Variants in BCAR1 observed in about 807,000 individuals in gnomAD.
BCAR1 encodes breast cancer anti-estrogen resistance protein 1.
A neutral mutation model predicts 67.6 loss-of-function variants in BCAR1; 30 were observed. The ratio of observed to expected loss-of-function variants is 0.44; its 90% CI spans 0.33 to 0.60. The LOEUF (loss-of-function observed/expected upper bound fraction) is 0.60. Ranked by LOEUF, BCAR1 falls within the 20% of genes least tolerant of loss-of-function variation. The pLI, the probability that BCAR1 is intolerant of heterozygous loss-of-function variation, is 0.02. For missense variants in BCAR1, 1,313 were observed against 1,222.3 expected (o/e 1.07, Z -1.11); for synonymous variants, 626 against 556.7 (o/e 1.12, Z -1.75).
At chr16:75,239,291 G>T (rs1567601570) in intron 2 of BCAR1, among the ~76,000 whole-genome samples, 1 of 152,124 alleles carries the variant, frequency 6.6e-6, no homozygotes, top group Non-Finnish European at 1.5e-5. Flanking sequence ...CAGAGGCACA[G>T]TCACTGACAT....
intron 1 of BCAR1, among the ~76,000 whole-genome samples, chr16:75,245,277 T>A (rs1028636131): frequency 1.3e-5 from 2 of 152,144 alleles, no homozygotes; most frequent in African/African-American, 4.8e-5. Context: ...CCCCTCCGGG[T>A]CCCCCAGCCC....
rs761298236 is a variant in BCAR1 at position 75,237,207 on chromosome 16, C to T, written c.771G>A (p.Leu257=). ...DIYDVPPVRG[L]LPSQYGQEVY... ...CCTCCTGGCCATACTGGCTGGGAAG[C>T]AGCCCCCGAACCGGGGGCACATCAT... Residue 257 remains leucine, a synonymous_variant, in exon 3 of 7, where the codon CTG becomes CTA. Transcript: ENST00000162330. 2.5e-6 allele frequency: 4 copies of T among 1,570,132 alleles called. No individual in the cohort carries two copies. The highest frequency in any genetic ancestry group is 2.6e-6 in the Non-Finnish European group (3 of 1,160,598).
At chr16:75,251,736 G>C (rs1012220506), upstream of BCAR1, 5 of 965,002 alleles carry the variant, frequency 5.2e-6, no homozygotes, top group African/African-American at 8.8e-5. Flanking sequence ...GCCGCCTGTC[G>C]GGGGCGCGGG....
chr16:75,236,667 A>C, intron 4 of BCAR1: 2 of 937,354 alleles, frequency 2.1e-6, no homozygotes, highest in East Asian at 6.0e-5. Context: ...CTCATGGAGA[A>C]GGCCTCGCAA....
In BCAR1 at chr16:75,229,396, C is replaced by T. The variant is rs573256135; in HGVS notation, c.*115G>A. On this transcript the variant is annotated 3_prime_UTR_variant, in exon 7 of 7. Transcript: ENST00000162330. ...TCCTGGGCATCCAGGGCACCAGGAC[C>T]GACGCAGAGCTGGGGTCCTGTCCCT... is the stretch of plus-strand genomic sequence containing the variant. 70 of 1,383,238 alleles carry T rather than the reference C, an allele frequency of 5.1e-5. No individual in the cohort carries two copies. The highest frequency in any genetic ancestry group is 2.0e-4 in the Admixed American group (7 of 34,860). The allele number at this position is 1,383,238 out of a possible 1,614,324, so 85.7% of individuals were successfully genotyped here.
chr16:75,254,532 A>G (rs1458761193), upstream of BCAR1, among the ~76,000 whole-genome samples: 1 of 152,206 alleles, frequency 6.6e-6, no homozygotes, highest in Non-Finnish European at 1.5e-5. Flanking sequence ...GGGGGTGGTT[A>G]AGTCACGCCT....
intron 6 of BCAR1, among the ~76,000 whole-genome samples, chr16:75,232,453 C>G (rs1418243973): frequency 2.6e-5 from 4 of 152,156 alleles, no homozygotes; most frequent in African/African-American, 9.7e-5. Flanking sequence ...AGCCACTGTG[C>G]CTGGCCACAA....
chr16:75,235,156 G>A lies in BCAR1; in HGVS notation c.1743C>T (p.Ala581=), dbSNP rs201006612. 2.2e-5 allele frequency: 35 copies of A among 1,608,824 alleles called. No individual in the cohort carries two copies. In the African/African-American group the frequency reaches 4.5e-4, roughly 21 times the overall value. Residue 581 remains alanine, a synonymous_variant, in exon 5 of 7, where the codon GCC becomes GCT. Transcript: ENST00000162330. ...CGTCCTCGGGCACAGCCCGCGAGCA[G>A]GCCACCAGCCGGTCCAGGTCCTCAA... ...ATLEDLDRLV[A]CSRAVPEDAK...
At chr16:75,231,001 G>C (rs926513778) in intron 6 of BCAR1, among the ~76,000 whole-genome samples, 2 of 151,724 alleles carry the variant, frequency 1.3e-5, no homozygotes, top group African/African-American at 2.4e-5. Context: ...AGTGAGCCCT[G>C]ACAGAGCACA....
intron 4 of BCAR1, 114 bp from the exon 5 acceptor site, chr16:75,236,100 A>C: frequency 7.4e-7 from 1 of 1,351,964 alleles, no homozygotes; most frequent in Non-Finnish European, 9.9e-7. Flanking sequence ...AGACACACAC[A>C]CAGAGGCACG....
chr16:75,255,915 C>T (rs993341713), upstream of BCAR1, among the ~76,000 whole-genome samples: 18 of 151,970 alleles, frequency 1.2e-4, no homozygotes, highest in Middle Eastern at 3.4e-3. Flanking sequence ...CACTTGAACC[C>T]GGGAGGCGGA....
At chr16:75,249,218 T>A (rs1001431413) in intron 1 of BCAR1, 1 of 152,488 alleles carries the variant, frequency 6.6e-6, no homozygotes, top group East Asian at 1.9e-4. Flanking sequence ...GAGAGCTCGG[T>A]GTGAGGCTGA....
At chr16:75,266,797 G>A in intron 1 of BCAR1, 1 of 1,436,420 alleles carries the variant, frequency 7.0e-7, no homozygotes, top group Admixed American at 2.1e-5. Flanking sequence ...AAGTGGGGCT[G>A]GGGTCCAGAG....
chr16:75,240,330 T>C (rs1424371715), intron 2 of BCAR1, among the ~76,000 whole-genome samples: 1 of 151,748 alleles, frequency 6.6e-6, no homozygotes, highest in African/African-American at 2.4e-5. Flanking sequence ...CACCTGGAGG[T>C]TCAGACACAG....
chr16:75,247,570 G>A (rs376469316), intron 1 of BCAR1: 21 of 163,284 alleles, frequency 1.3e-4, no homozygotes, highest in African/African-American at 4.5e-4. Context: ...AGCCCTGGAC[G>A]TGCTGTGGCT....
At position 75,229,279 on chromosome 16, in the gene BCAR1, G is replaced by A. The variant is rs2076809666; in HGVS notation, c.*232C>T. ...TGGTGACCCAACCCGGGCCCGTGGTGCATGCTGGGGAAGGCCACTGGCCGG... is the reference window on the plus strand; with the variant it reads ...TGGTGACCCAACCCGGGCCCGTGGTACATGCTGGGGAAGGCCACTGGCCGG... On this transcript the variant is annotated 3_prime_UTR_variant, in exon 7 of 7. Transcript: ENST00000162330. The A allele has an allele frequency of 4.8e-6, 3 of 622,290 alleles. No individual in the cohort carries two copies. Among genetic ancestry groups the A allele is most frequent in the Admixed American group, 7.1e-5 (2 of 28,092 alleles). 38.5% of individuals were successfully genotyped at this position (622,290 alleles called of 1,614,324 possible).
upstream of BCAR1, chr16:75,252,403 G>A (rs1052797830): frequency 2.7e-6 from 4 of 1,465,616 alleles, no homozygotes; most frequent in African/African-American, 5.6e-5. Context: ...GCGGCACTGG[G>A]GGAATGAGGG....
chr16:75,233,615 ACT>A (rs1178476602), intron 6 of BCAR1, among the ~76,000 whole-genome samples: 4 of 152,104 alleles, frequency 2.6e-5, no homozygotes, highest in Non-Finnish European at 5.9e-5. Flanking sequence ...CTCTCACCCC[ACT>A]CTCTAATTCC....
intron 1 of BCAR1, 144 bp downstream of exon 1, chr16:75,251,327 C>A (rs559084732): frequency 2.5e-6 from 3 of 1,186,112 alleles, no homozygotes; most frequent in Admixed American, 6.7e-5. Context: ...CCGGCCAGGG[C>A]AGAAGGAGAT....
Sources: allele counts gnomAD v4.1 joint callset (sites outside exome capture counted in the v4.1 genomes callset), GRCh38; gene constraint gnomAD v4.1.1; transcripts MANE v1.5; gene names NCBI Gene and HGNC (gene_info 2026-07-23, HGNC 2026-07-21).